Variants in TAF4 observed in about 807,000 individuals in gnomAD.
TAF4 encodes the protein TATA-box binding protein associated factor 4, also known as transcription initiation factor TFIID subunit 4.
Under a neutral mutation model 90.3 loss-of-function variants are expected in TAF4, and 9 were observed. The ratio of observed to expected loss-of-function variants is 0.10; its 90% CI spans 0.06 to 0.17. TAF4 has a LOEUF of 0.17. Ranked by LOEUF, TAF4 falls within the 10% of genes least tolerant of loss-of-function variation. The pLI is 1.00. For missense variants in TAF4, 1,351 were observed against 1,370.7 expected, an observed-to-expected ratio of 0.99 and a Z score of 0.23; for synonymous variants, 818 against 638.9, an observed-to-expected ratio of 1.28 and a Z score of -4.23.
In TAF4 at chr20:62,034,593, G is replaced by A. The variant is rs567417022; in HGVS notation, c.1361-19886C>T. 1.3e-4 allele frequency among the ~76,000 whole-genome samples: 19 copies of A among 151,970 alleles called. No homozygotes were observed. The South Asian group carries it at 3.5e-3, about 28-fold the overall frequency. On this transcript the variant is annotated intron_variant, in intron 1 of 14. Transcript: ENST00000252996. ...AATCCTCCCATCTCAGCCTCCCAAA[G>A]TGCTGAGATGACAGGCATGAGCCAT...
Position 61,997,545 on chromosome 20 carries a change from C to T in TAF4, c.3090+5G>A, listed in dbSNP as rs771257439. ...CAGGACCTCGATCCCACAACACTGC[C>T]GTACCTCTGCTCCTGAGCCCGGCCC... is the stretch of plus-strand genomic sequence containing the variant. On this transcript the variant is annotated splice_donor_5th_base_variant and intron_variant, in intron 14 of 14. Coordinates refer to ENST00000252996, the MANE Select transcript of TAF4 (RefSeq NM_003185.4). 18 of 1,590,628 alleles carry T rather than the reference C, an allele frequency of 1.1e-5. No homozygotes were observed. The highest frequency in any genetic ancestry group is 7.2e-5 in the Admixed American group (4 of 55,640).
chr20:62,037,953 C>T (rs1418192565), intron 1 of TAF4: 6 of 183,120 alleles, frequency 3.3e-5, no homozygotes, highest in Admixed American at 5.4e-5. Flanking sequence ...GACTAATGAA[C>T]CATTTTCACA....
chr20:62,055,167 C>T (rs567664112), intron 1 of TAF4, among the ~76,000 whole-genome samples: 7 of 150,694 alleles, frequency 4.6e-5, no homozygotes, highest in African/African-American at 1.5e-4. Flanking sequence ...GCAATACAAT[C>T]GATTCACGCT....
intron 1 of TAF4, among the ~76,000 whole-genome samples, chr20:62,019,994 G>A (rs929015043): frequency 1.3e-5 from 2 of 152,182 alleles, no homozygotes; most frequent in African/African-American, 4.8e-5. Context: ...CTGGCCTCCT[G>A]AGGCCCAGCC....
chr20:62,064,771 G>A lies in TAF4; in HGVS notation c.1040C>T (p.Pro347Leu). 4 of 1,126,578 alleles carry A rather than the reference G, an allele frequency of 3.6e-6. No individual in the cohort carries two copies. Among genetic ancestry groups the A allele is most frequent in the Non-Finnish European group, 4.3e-6 (4 of 923,398 alleles). 69.8% of individuals were successfully genotyped at this position (1,126,578 alleles called of 1,614,324 possible). ...GGGCGCCGCCTGCACCACCCTCTTG[G>A]GCGACTCGGCCTTGACCCCCGGCGC... ...APAPGVKAESPKRVVQAAPPA... is the reference protein window; with the variant it reads ...APAPGVKAESLKRVVQAAPPA... Residue 347 changes from proline to leucine, a missense_variant, in exon 1 of 15, where the codon CCC becomes CTC. Physicochemically the swap from Pro to Leu is moderately conservative, Grantham distance 98 (BLOSUM62 -3). This residue lies in a region of TAF4 where 782 missense variants were observed against 536.6 expected (regional missense o/e 1.46). Coordinates refer to ENST00000252996, the MANE Select transcript of TAF4 (RefSeq NM_003185.4).
intron 1 of TAF4, among the ~76,000 whole-genome samples, chr20:62,029,863 G>A (rs1415895732): frequency 2.0e-5 from 3 of 152,096 alleles, no homozygotes; most frequent in Non-Finnish European, 4.4e-5. Flanking sequence ...CCGAGATCGC[G>A]CCACTGCACT....
chr20:62,038,550 A>G (rs1321127021), intron 1 of TAF4, among the ~76,000 whole-genome samples: 1 of 152,218 alleles, frequency 6.6e-6, no homozygotes, highest in African/African-American at 2.4e-5. Flanking sequence ...GACCACGTAC[A>G]TGGCATAAAA....
chr20:62,060,362 C>T (rs1268275913), intron 1 of TAF4, among the ~76,000 whole-genome samples: 1 of 152,258 alleles, frequency 6.6e-6, no homozygotes, highest in Non-Finnish European at 1.5e-5. Flanking sequence ...ATGCAGTGCT[C>T]GGGCACAGTA....
Position 62,065,127 on chromosome 20 carries a change from C to A in TAF4, c.684G>T (p.Leu228=). 1 of 1,160,916 alleles carries A rather than the reference C, an allele frequency of 8.6e-7. No individual in the cohort carries two copies. Among genetic ancestry groups the A allele is most frequent in the Non-Finnish European group, 1.1e-6 (1 of 922,384 alleles). The allele number at this position is 1,160,916 out of a possible 1,614,324, so 71.9% of individuals were successfully genotyped here. Residue 228 remains leucine (L), a synonymous_variant, in exon 1 of 15, where the codon CTG becomes CTT. Coordinates refer to ENST00000252996, the MANE Select transcript of TAF4 (RefSeq NM_003185.4). ...VNNGPAALLP[L]PKPAAPGTVI... ...CAGTGCCGGGGGCGGCGGGCTTGGG[C>A]AGCGGCAGCAGCGCGGCGGGCCCGT...
chr20:61,994,439 C>T (rs955835847), intron 14 of TAF4, among the ~76,000 whole-genome samples: 15 of 152,228 alleles, frequency 9.9e-5, no homozygotes, highest in African/African-American at 1.2e-4. Flanking sequence ...ATCTCACACA[C>T]GCATTTATAA....
At chr20:62,060,665 G>A (rs2056084498) in intron 1 of TAF4, among the ~76,000 whole-genome samples, 1 of 152,192 alleles carries the variant, frequency 6.6e-6, no homozygotes, top group Non-Finnish European at 1.5e-5. Flanking sequence ...CTTTTCAAAT[G>A]TCACTCCTAC....
intron 8 of TAF4, 118 bp from the exon 9 acceptor site, chr20:62,003,392 T>C (rs1310541286): frequency 9.5e-6 from 8 of 844,692 alleles, no homozygotes; most frequent in Non-Finnish European, 1.5e-5. Flanking sequence ...TACAAGAAAG[T>C]TTCCAAAAAC....
chr20:62,039,710 A>G (rs2055953188), intron 1 of TAF4, among the ~76,000 whole-genome samples: 1 of 152,254 alleles, frequency 6.6e-6, no homozygotes, highest in East Asian at 1.9e-4. Context: ...AAAGGCAAAC[A>G]CAGACCAAGA....
intron 5 of TAF4, chr20:62,007,901 T>C (rs2055756505): frequency 5.6e-6 from 2 of 358,346 alleles, no homozygotes; most frequent in South Asian, 6.4e-5. Flanking sequence ...TCTAAGTCTC[T>C]TACTCAATGC....
chr20:62,045,995 G>GA (rs2055991106), intron 1 of TAF4, among the ~76,000 whole-genome samples: 1 of 152,212 alleles, frequency 6.6e-6, no homozygotes, highest in Non-Finnish European at 1.5e-5. Flanking sequence ...AAGTTCCACA[G>GA]CCAGCATCAG....
chr20:61,987,916 T>G (rs1368422432), intron 14 of TAF4, among the ~76,000 whole-genome samples: 1 of 152,122 alleles, frequency 6.6e-6, no homozygotes, highest in Non-Finnish European at 1.5e-5. Context: ...CATCAAGCCA[T>G]GAAAAAACAC....
Position 62,033,010 on chromosome 20 carries a change from G to T in TAF4, c.1361-18303C>A, listed in dbSNP as rs532864979. Among the ~76,000 whole-genome samples, 7 of 152,230 alleles carry T rather than the reference G, an allele frequency of 4.6e-5. No individual in the cohort carries two copies. In the East Asian group the frequency reaches 1.4e-3, roughly 29 times the overall value. On this transcript the variant is annotated intron_variant, in intron 1 of 14. Coordinates refer to ENST00000252996, the MANE Select transcript of TAF4 (RefSeq NM_003185.4). The stretch of plus-strand genomic sequence containing the variant: ...AGGAAGCAGCTGGGAAATGATGGAT[G>T]CGGGGGGAAAAAAAGAGGGGAGGCA...
chr20:62,043,560 G>A (rs939315405), intron 1 of TAF4, among the ~76,000 whole-genome samples: 4 of 152,136 alleles, frequency 2.6e-5, no homozygotes, highest in East Asian at 1.9e-4. Context: ...TCAGACTCCC[G>A]CAGAGCAACA....
chr20:62,041,496 G>A (rs186758170), intron 1 of TAF4, among the ~76,000 whole-genome samples: 7 of 152,216 alleles, frequency 4.6e-5, no homozygotes, highest in Admixed American at 4.6e-4. Context: ...AGGCGTGGTA[G>A]CATACGCCTG....
Sources: allele counts gnomAD v4.1 joint callset (sites outside exome capture counted in the v4.1 genomes callset), GRCh38; gene constraint gnomAD v4.1.1; regional missense constraint gnomAD v4.1.1; transcripts MANE v1.5; gene names NCBI Gene and HGNC (gene_info 2026-07-23, HGNC 2026-07-21).